The following LRP1B variants were observed in gnomAD, a reference collection of about 807,000 sequenced individuals.
LRP1B encodes the protein LDL receptor related protein 1B.
In LRP1B, 217 loss-of-function variants were observed where a neutral mutation model predicts 556.6. The ratio of observed to expected loss-of-function variants is 0.39; its 90% confidence interval spans 0.35 to 0.44. The LOEUF is 0.44. Ranked by LOEUF, LRP1B falls within the 20% of genes least tolerant of loss-of-function variation. The pLI is 1.00. For missense variants in LRP1B, 5,053 were observed against 5,620.8 expected, an observed-to-expected ratio of 0.90 and a Z score of 3.23; for synonymous variants, 2,047 against 1,865.8, an observed-to-expected ratio of 1.10 and a Z score of -2.50.
chr2:141,985,605 T>C (rs1702165326), intron 1 of LRP1B, among the ~76,000 whole-genome samples: 1 of 151,910 alleles, frequency 6.6e-6, no homozygotes, highest in Non-Finnish European at 1.5e-5. Flanking sequence ...TTTAGCACAA[T>C]TCTTTCATTT....
chr2:142,016,037 C>T (rs527551873), intron 1 of LRP1B, among the ~76,000 whole-genome samples: 55 of 128,124 alleles, frequency 4.3e-4, no homozygotes, highest in African/African-American at 1.6e-3. Flanking sequence ...TGAACAGACA[C>T]TTCTCAAAAG....
intron 2 of LRP1B, among the ~76,000 whole-genome samples, 166 bp downstream of exon 2, chr2:141,810,113 A>AATAG (rs878861986): frequency 1.3e-5 from 1 of 77,916 alleles, no homozygotes; most frequent in Non-Finnish European, 2.4e-5. Flanking sequence ...GAAAGAAAGA[A>AATAG]AAAGAAAGAA....
chr2:141,179,788 C>T (rs1680911089), intron 7 of LRP1B, among the ~76,000 whole-genome samples: 1 of 151,572 alleles, frequency 6.6e-6, no homozygotes, highest in Non-Finnish European at 1.5e-5. Flanking sequence ...CACTAAGAGT[C>T]TGGGGCTCAA....
At chr2:140,412,315 A>C (rs978786786) in intron 66 of LRP1B, among the ~76,000 whole-genome samples, 1 of 152,130 alleles carries the variant, frequency 6.6e-6, no homozygotes, top group African/African-American at 2.4e-5. Context: ...TCTAGCCTTA[A>C]GATGGCTTTG....
chr2:140,670,581 G>T (rs1010520777), intron 41 of LRP1B, among the ~76,000 whole-genome samples: 2 of 152,184 alleles, frequency 1.3e-5, no homozygotes, highest in Non-Finnish European at 1.5e-5. Flanking sequence ...AGAGGATCCT[G>T]TATATAGAAG....
At chr2:141,598,690 C>T (rs573624159) in intron 2 of LRP1B, among the ~76,000 whole-genome samples, 11 of 152,066 alleles carry the variant, frequency 7.2e-5, no homozygotes, top group Non-Finnish European at 1.0e-4. Context: ...TATTTCTTTA[C>T]AACCTGAGCC....
chr2:140,783,388 T>A (rs1312194858), intron 32 of LRP1B, among the ~76,000 whole-genome samples: 2 of 152,166 alleles, frequency 1.3e-5, no homozygotes, highest in African/African-American at 4.8e-5. Context: ...AAAGTCTTGT[T>A]ATTTATTTGG....
In LRP1B at chr2:141,171,648, G is replaced by A. The variant is rs898339780; in HGVS notation, c.1013+16773C>T. Among the ~76,000 whole-genome samples the A allele has an allele frequency of 6.6e-5, 10 of 152,062 alleles. No homozygotes were observed. The East Asian group carries it at 1.7e-3, about 27-fold the overall frequency. On this transcript the variant is annotated intron_variant, in intron 7 of 90. Transcript: ENST00000389484. ...TCAGAAAACCTCCCAGCTTCAAGCCGACTCATCGTGGCTGTGGTGTAGCAG... is the reference window on the plus strand; with the variant it reads ...TCAGAAAACCTCCCAGCTTCAAGCCAACTCATCGTGGCTGTGGTGTAGCAG...
chr2:140,516,560 T>A (rs890786477), intron 50 of LRP1B, among the ~76,000 whole-genome samples: 20 of 152,176 alleles, frequency 1.3e-4, no homozygotes, highest in African/African-American at 3.9e-4. Context: ...TTATTTTTTA[T>A]AGCAGAAAGC....
intron 14 of LRP1B, among the ~76,000 whole-genome samples, chr2:141,006,572 A>G (rs1481084715): frequency 1.1e-4 from 17 of 152,046 alleles, no homozygotes. Context: ...CGAACATCAT[A>G]AAGCATCCTT....
intron 3 of LRP1B, among the ~76,000 whole-genome samples, chr2:141,452,805 G>C (rs548923338): frequency 1.3e-5 from 2 of 152,290 alleles, no homozygotes; most frequent in South Asian, 4.1e-4. Flanking sequence ...TCCTTTCTTA[G>C]AGGGTAACCT....
chr2:140,517,088 C>T (rs946040506), intron 49 of LRP1B, 77 bp from the exon 50 acceptor site: 101 of 1,005,488 alleles, frequency 1.0e-4, no homozygotes, highest in Non-Finnish European at 1.5e-4. Flanking sequence ...TTAATACTCC[C>T]TAAACTGAAA....
chr2:141,749,827 T>C (rs1030559619), intron 2 of LRP1B, among the ~76,000 whole-genome samples: 10 of 152,228 alleles, frequency 6.6e-5, no homozygotes, highest in African/African-American at 2.4e-4. Context: ...TGGCTTTACT[T>C]GCTGTAAAAT....
At chr2:141,488,391 C>G (rs1683194591) in intron 2 of LRP1B, among the ~76,000 whole-genome samples, 2 of 152,090 alleles carry the variant, frequency 1.3e-5, no homozygotes, top group African/African-American at 4.8e-5. Context: ...TACCTAGTTA[C>G]TTTAAAAACA....
intron 1 of LRP1B, among the ~76,000 whole-genome samples, chr2:142,043,019 A>T (rs2105218082): frequency 6.6e-6 from 1 of 151,626 alleles, no homozygotes. Flanking sequence ...CAGGGACACC[A>T]TTGTTTTATG....
chr2:141,174,693 G>C (rs1680658295), intron 7 of LRP1B, among the ~76,000 whole-genome samples: 1 of 152,056 alleles, frequency 6.6e-6, no homozygotes, highest in African/African-American at 2.4e-5. Flanking sequence ...CAGTGTGAGA[G>C]TGGACTAACA....
rs1291794619 is a variant in LRP1B, at chr2:141,048,271, G to A, written c.1789+715C>T. Among the ~76,000 whole-genome samples the A allele has an allele frequency of 2.6e-5, 4 of 152,096 alleles. No individual in the cohort carries two copies. The East Asian group carries it at 7.7e-4, about 29-fold the overall frequency. On this transcript the variant is annotated intron_variant, in intron 11 of 90. Coordinates refer to ENST00000389484, the MANE Select transcript of LRP1B (RefSeq NM_018557.3). ...TTAACATGCCTAAAAATGACTGGCAGCCAGTGAAGATCTGGTTTGATTTAT... is the reference window on the plus strand; with the variant it reads ...TTAACATGCCTAAAAATGACTGGCAACCAGTGAAGATCTGGTTTGATTTAT...
intron 29 of LRP1B, among the ~76,000 whole-genome samples, chr2:140,841,341 T>C (rs2105099141): frequency 6.6e-6 from 1 of 152,276 alleles, no homozygotes; most frequent in Non-Finnish European, 1.5e-5. Flanking sequence ...TAACCGTCAA[T>C]GATTCACTAA....
intron 11 of LRP1B, among the ~76,000 whole-genome samples, chr2:141,033,439 G>A (rs1698437383): frequency 6.6e-6 from 1 of 152,016 alleles, no homozygotes; most frequent in African/African-American, 2.4e-5. Flanking sequence ...ATAAGCTATA[G>A]GGGAGTATAT....
Sources: gnomAD v4.1 joint callset for allele counts (sites outside exome capture counted in the v4.1 genomes callset) on GRCh38, gnomAD v4.1.1 for gene constraint, MANE v1.5 for transcripts, NCBI Gene and HGNC (gene_info 2026-07-23, HGNC 2026-07-21) for gene names.